IRAG1: variants seen among roughly 807,000 people sequenced by gnomAD.
IRAG1 encodes the protein inositol 1,4,5-triphosphate receptor associated 1.
In IRAG1, 62 loss-of-function variants were observed where a neutral mutation model predicts 106.2. The ratio of observed to expected loss-of-function variants is 0.58; its 90% CI spans 0.48 to 0.72. The LOEUF (loss-of-function observed/expected upper bound fraction) is 0.72. Ranked by LOEUF, IRAG1 falls within the 30% of genes least tolerant of loss-of-function variation. IRAG1 has a pLI of 0.00. For missense variants in IRAG1, 1,064 were observed against 1,140.7 expected, an observed-to-expected ratio of 0.93 and a Z score of 0.97; for synonymous variants, 462 against 443.9, an observed-to-expected ratio of 1.04 and a Z score of -0.51.
At chr11:10,653,744 C>A (rs923069895) in intron 1 of IRAG1, among the ~76,000 whole-genome samples, 1 of 152,186 alleles carries the variant, frequency 6.6e-6, no homozygotes, top group African/African-American at 2.4e-5. Flanking sequence ...GTAGTTCCCA[C>A]AGAGGCCACC....
chr11:10,670,906 G>A (rs545642001), intron 1 of IRAG1, among the ~76,000 whole-genome samples: 1 of 152,330 alleles, frequency 6.6e-6, no homozygotes, highest in South Asian at 2.1e-4. Flanking sequence ...GACTTCCTTA[G>A]AACTGTTAGA....
intron 10 of IRAG1, among the ~76,000 whole-genome samples, chr11:10,615,892 T>C (rs560636222): frequency 6.8e-6 from 1 of 148,050 alleles, no homozygotes; most frequent in South Asian, 2.2e-4. Context: ...TGTAACAAAC[T>C]TGCACGTTGT....
rs76075229 is a variant in IRAG1 at position 10,619,898 on chromosome 11, T to C, written c.1447+3880A>G. Among the ~76,000 whole-genome samples the C allele has an allele frequency of 3.9e-3, 598 of 152,304 alleles. 5 individuals are homozygous for C. The highest frequency in any genetic ancestry group is 0.013 in the African/African-American group (545 of 41,558). ...CACTGACCATGGTTAATTTTATTTT[T>C]AAAATTTGGTGCTTATAGGAGTCAC... is the stretch of plus-strand genomic sequence containing the variant. On this transcript the variant is annotated intron_variant, in intron 10 of 20. Transcript: ENST00000423302.
rs1266040231 is a variant in IRAG1, at chr11:10,665,372, A to T, written c.68-13190T>A. Among the ~76,000 whole-genome samples the T allele has an allele frequency of 1.3e-5, 2 of 152,160 alleles. No individual in the cohort carries two copies. Among genetic ancestry groups the T allele is most frequent in the Non-Finnish European group, 2.9e-5 (2 of 68,028 alleles). On this transcript the variant is annotated intron_variant, in intron 1 of 20. Coordinates refer to ENST00000423302, the MANE Select transcript of IRAG1 (RefSeq NM_130385.4). The surrounding 1 kb of genome is among the most constrained non-coding windows in gnomAD (Gnocchi z 4.2). ...CCTGTCCCCACTTCTTTTTACTAAT[A>T]CACACATCTAAACTGTTAGGGCTCC...
At chr11:10,580,057 G>A (rs1851233955) in intron 20 of IRAG1, among the ~76,000 whole-genome samples, 1 of 152,158 alleles carries the variant, frequency 6.6e-6, no homozygotes, top group African/African-American at 2.4e-5. Context: ...CCAGGGCTTC[G>A]AGTCAACTCT....
chr11:10,636,439 G>A (rs1285847201), intron 2 of IRAG1, among the ~76,000 whole-genome samples: 1 of 152,166 alleles, frequency 6.6e-6, no homozygotes. Flanking sequence ...TGCCTCTGAA[G>A]GTGCTGGGAT....
chr11:10,594,081 G>C, intron 16 of IRAG1, 65 bp downstream of exon 16: 1 of 1,412,992 alleles, frequency 7.1e-7, no homozygotes, highest in Non-Finnish European at 9.8e-7. Context: ...ATGATTGTTT[G>C]GGTGACCATG....
chr11:10,674,916 C>T (rs1860530206), intron 1 of IRAG1, among the ~76,000 whole-genome samples: 1 of 152,206 alleles, frequency 6.6e-6, no homozygotes, highest in African/African-American at 2.4e-5. Context: ...CAAGTCACAT[C>T]CTAAGATGGG....
intron 19 of IRAG1, 107 bp from the exon 20 acceptor site, chr11:10,580,696 C>G: frequency 7.5e-7 from 1 of 1,332,038 alleles, no homozygotes; most frequent in East Asian, 2.3e-5. Context: ...TAATTATGTG[C>G]TTCCTATGGT....
At position 10,593,436 on chromosome 11, in the gene IRAG1, C is replaced by G. The variant is rs1004852356; in HGVS notation, c.2175+56G>C. The G allele has an allele frequency of 7.3e-6, 11 of 1,500,660 alleles. No homozygotes were observed. In the South Asian group the frequency reaches 1.3e-4, roughly 17 times the overall value. 93.0% of individuals were successfully genotyped at this position (1,500,660 alleles called of 1,614,324 possible). On this transcript the variant is annotated intron_variant, in intron 17 of 20. Transcript: ENST00000423302. ...ACCCTCCCTGCCCTAGGACTGAGTACGAAGGAAAGGTTATTCTACTATTCT... is the reference window on the plus strand; with the variant it reads ...ACCCTCCCTGCCCTAGGACTGAGTAGGAAGGAAAGGTTATTCTACTATTCT...
At chr11:10,596,264 A>G (rs1253189764) in intron 15 of IRAG1, among the ~76,000 whole-genome samples, 1 of 152,204 alleles carries the variant, frequency 6.6e-6, no homozygotes, top group Non-Finnish European at 1.5e-5. Flanking sequence ...TTGTCTCCAA[A>G]TAGTCTTTAC....
intron 1 of IRAG1, among the ~76,000 whole-genome samples, chr11:10,668,562 T>C (rs1020364855): frequency 2.0e-5 from 3 of 152,232 alleles, no homozygotes; most frequent in African/African-American, 4.8e-5. Flanking sequence ...ATGAGGGCAA[T>C]TGAGTAGTTG....
intron 2 of IRAG1, among the ~76,000 whole-genome samples, chr11:10,649,272 G>A (rs955684926): frequency 6.6e-6 from 1 of 152,192 alleles, no homozygotes; most frequent in African/African-American, 2.4e-5. Context: ...AAATGTCCAG[G>A]GCGTGGCAGT....
At position 10,573,162 on chromosome 11, in the gene IRAG1, G is replaced by A. The variant is rs1850672077; in HGVS notation, c.*3170C>T. On this transcript the variant is annotated 3_prime_UTR_variant, in exon 21 of 21. Transcript: ENST00000423302. ...TCTACAGTTCAATGCTAGCACACCT[G>A]TGTGAGGCTTAACAACATGAGGAAC... 1 of 152,206 alleles carries A rather than the reference G, an allele frequency of 6.6e-6. No individual in the cohort carries two copies. The highest frequency in any genetic ancestry group is 2.4e-5 in the African/African-American group (1 of 41,446). 9.4% of individuals were successfully genotyped at this position (152,206 alleles called of 1,614,324 possible).
At chr11:10,622,155 A>T (rs1181013153) in intron 10 of IRAG1, among the ~76,000 whole-genome samples, 1 of 152,208 alleles carries the variant, frequency 6.6e-6, no homozygotes, top group Non-Finnish European at 1.5e-5. Context: ...CCTCTGAAAA[A>T]GGGAGTACTA....
In IRAG1 at chr11:10,678,033, C is replaced by CT. The variant is rs35191176; in HGVS notation, c.67+15502_67+15503insA. ...TCTGTCTATCTATCTATCTATCTATCATCTATCTGTCTATCCATCCCACAT... is the reference window on the plus strand; with the variant it reads ...TCTGTCTATCTATCTATCTATCTATCTATCTATCTGTCTATCCATCCCACAT... On this transcript the variant is annotated intron_variant, in intron 1 of 20. Coordinates refer to ENST00000423302, the MANE Select transcript of IRAG1 (RefSeq NM_130385.4). Among the ~76,000 whole-genome samples, 28 of 143,652 alleles carry CT rather than the reference C, an allele frequency of 1.9e-4. 1 individual carries two copies. The highest frequency in any genetic ancestry group is 7.1e-4 in the African/African-American group (27 of 38,090). The allele number at this position is 143,652 out of a possible 152,430, so 94.2% of individuals were successfully genotyped here. A position where few individuals can be genotyped will look rare whatever the true frequency, so the allele number is the denominator to read the frequency against.
In IRAG1 at chr11:10,585,185, C is replaced by G. The variant is rs1851822180; in HGVS notation, c.2241-3199G>C. Among the ~76,000 whole-genome samples, 6 of 152,290 alleles carry G rather than the reference C, an allele frequency of 3.9e-5. No individual in the cohort carries two copies. In the South Asian group the frequency reaches 1.2e-3, roughly 32 times the overall value. ...CAGATAAGTGACTGTAAACAAAGCT[C>G]TCATTGTCCTTGGGTCACTGATCTC... On this transcript the variant is annotated intron_variant, in intron 18 of 20. Transcript: ENST00000423302.
At chr11:10,581,026 A>G (rs1851333456) in intron 19 of IRAG1, among the ~76,000 whole-genome samples, 1 of 152,178 alleles carries the variant, frequency 6.6e-6, no homozygotes, top group Admixed American at 6.5e-5. Context: ...CTAGAGAGGT[A>G]CTCAGTAAAT....
chr11:10,584,856 G>T (rs1461202866), intron 18 of IRAG1, among the ~76,000 whole-genome samples: 1 of 151,942 alleles, frequency 6.6e-6, no homozygotes, highest in Admixed American at 6.6e-5. Context: ...AAACTTTCTG[G>T]AATATGGCAC....
Sources: allele counts gnomAD v4.1 joint callset (sites outside exome capture counted in the v4.1 genomes callset), GRCh38; gene constraint gnomAD v4.1.1; non-coding constraint Gnocchi (gnomAD v3.1); transcripts MANE v1.5; gene names NCBI Gene and HGNC (gene_info 2026-07-23, HGNC 2026-07-21).